CSMD3: variants seen among roughly 807,000 people sequenced by gnomAD.
CSMD3 encodes the protein CUB and Sushi multiple domains 3.
In CSMD3, 177 loss-of-function variants were observed where a neutral mutation model predicts 435.2. The observed-to-expected ratio is 0.41, with a 90% CI of 0.36 to 0.46. The LOEUF is 0.46. CSMD3 is among the 20% of genes least tolerant of loss of function. CSMD3 has a pLI of 0.34. For synonymous variants in CSMD3, 1,656 were observed against 1,520.5 expected, an observed-to-expected ratio of 1.09 and a Z score of -2.07; for missense variants, 4,265 against 4,504.6, an observed-to-expected ratio of 0.95 and a Z score of 1.52.
At chr8:112,443,810 A>G (rs1815302130) in intron 32 of CSMD3, among the ~76,000 whole-genome samples, 1 of 152,076 alleles carries the variant, frequency 6.6e-6, no homozygotes, top group South Asian at 2.1e-4. Context: ...AATAATAGTT[A>G]CAATGCTATT....
chr8:112,480,129 C>T (rs1471725207), intron 31 of CSMD3, among the ~76,000 whole-genome samples: 2 of 152,198 alleles, frequency 1.3e-5, no homozygotes, highest in African/African-American at 4.8e-5. Context: ...TATTTTGGAA[C>T]TTTAAGATTT....
chr8:113,332,336 C>T (rs937715037), intron 1 of CSMD3, among the ~76,000 whole-genome samples: 1 of 145,474 alleles, frequency 6.9e-6, no homozygotes, highest in African/African-American at 2.5e-5. Context: ...ATCTTCAAAG[C>T]ACAATAAAGC....
At chr8:112,749,219 T>G (rs1321120215) in intron 13 of CSMD3, among the ~76,000 whole-genome samples, 2 of 152,192 alleles carry the variant, frequency 1.3e-5, no homozygotes, top group African/African-American at 4.8e-5. Flanking sequence ...TTGTTTAAGT[T>G]GCTTATAGAT....
intron 4 of CSMD3, among the ~76,000 whole-genome samples, chr8:113,101,928 C>A (rs1471649725): frequency 6.6e-6 from 1 of 151,896 alleles, no homozygotes; most frequent in Non-Finnish European, 1.5e-5. Flanking sequence ...TTAAAAAAAA[C>A]AACAACATAT....
intron 22 of CSMD3, among the ~76,000 whole-genome samples, chr8:112,623,078 T>C (rs758584852): frequency 1.3e-5 from 2 of 152,006 alleles, no homozygotes; most frequent in African/African-American, 4.8e-5. Context: ...CAGAACAACA[T>C]AGAAAAATGC....
Position 112,921,651 on chromosome 8 carries a change from TC to T in CSMD3, c.1608del (p.Trp536Ter). 6.2e-7 allele frequency: 1 copy of T among 1,612,838 alleles called. No individual in the cohort carries two copies. Among genetic ancestry groups the T allele is most frequent in the South Asian group, 1.1e-5 (1 of 91,052 alleles). ...CQRIAEVFAAWSDHRPVCKVK... is the reference protein window; with the variant it reads ...CQRIAEVFAAXSDHRPVCKVK... ...CCTTTACACACAGGCCTGTGATCACTCCAAGCAGCAAAAACTTCAGCTATCC... is the reference window on the plus strand; with the variant it reads ...CCTTTACACACAGGCCTGTGATCACTCAAGCAGCAAAAACTTCAGCTATCC... On this transcript the variant is annotated frameshift_variant, in exon 10 of 71. Transcript: ENST00000297405. LOFTEE classifies it high-confidence loss of function.
rs143020371 is a variant in CSMD3, at chr8:113,024,942, CATT to C, written c.918-5766_918-5764del. On this transcript the variant is annotated intron_variant, in intron 5 of 70. Transcript: ENST00000297405. ...TCCACGCTCTACCTCCATGTGTAAA[CATT>C]ATTTAGCTCCCATTTATAAGTGAGA... Among the ~76,000 whole-genome samples, 196 of 152,308 alleles carry C rather than the reference CATT, an allele frequency of 1.3e-3. 3 individuals carry two copies. The highest frequency in any genetic ancestry group is 4.6e-3 in the African/African-American group (190 of 41,564).
At chr8:113,255,902 C>T (rs1372440235) in intron 3 of CSMD3, among the ~76,000 whole-genome samples, 2 of 151,866 alleles carry the variant, frequency 1.3e-5, no homozygotes, top group African/African-American at 2.4e-5. Context: ...TATTATTTTA[C>T]AGTGTCAATA....
At chr8:112,894,740 A>G (rs2081900491) in intron 10 of CSMD3, among the ~76,000 whole-genome samples, 1 of 151,402 alleles carries the variant, frequency 6.6e-6, no homozygotes, top group Non-Finnish European at 1.5e-5. Flanking sequence ...CCATACAGGT[A>G]TGTCTATTCA....
At chr8:112,415,534 A>G (rs527541259) in intron 32 of CSMD3, among the ~76,000 whole-genome samples, 3 of 152,310 alleles carry the variant, frequency 2.0e-5, no homozygotes, top group South Asian at 2.1e-4. Context: ...TCCCACACAG[A>G]GTACCCACTG....
At chr8:113,281,322 G>A (rs1276255215) in intron 2 of CSMD3, among the ~76,000 whole-genome samples, 1 of 151,688 alleles carries the variant, frequency 6.6e-6, no homozygotes, top group Non-Finnish European at 1.5e-5. Flanking sequence ...AAGTCTATTG[G>A]TATCTGTTTT....
At chr8:113,132,351 C>G (rs1357337830) in intron 4 of CSMD3, among the ~76,000 whole-genome samples, 1 of 152,038 alleles carries the variant, frequency 6.6e-6, no homozygotes, top group Non-Finnish European at 1.5e-5. Flanking sequence ...ATTTGTGTCC[C>G]TGCCCAAGTC....
chr8:113,151,767 A>T (rs1267085690), intron 4 of CSMD3, among the ~76,000 whole-genome samples: 1 of 151,988 alleles, frequency 6.6e-6, no homozygotes, highest in African/African-American at 2.4e-5. Context: ...TTAAAATTGC[A>T]GTTTATTTCT....
chr8:113,276,166 C>A (rs2093568328), intron 3 of CSMD3, among the ~76,000 whole-genome samples: 1 of 152,030 alleles, frequency 6.6e-6, no homozygotes, highest in Admixed American at 6.6e-5. Flanking sequence ...TCTACCTCCC[C>A]AAAAATGTAT....
intron 59 of CSMD3, among the ~76,000 whole-genome samples, chr8:112,279,033 ACAAC>A (rs1385922621): frequency 1.3e-5 from 2 of 151,974 alleles, no homozygotes; most frequent in African/African-American, 4.8e-5. Flanking sequence ...AACAACAACA[ACAAC>A]AACAACAACA....
At chr8:112,884,193 T>A (rs1011401717) in intron 10 of CSMD3, among the ~76,000 whole-genome samples, 1 of 151,886 alleles carries the variant, frequency 6.6e-6, no homozygotes, top group African/African-American at 2.4e-5. Context: ...TTACTCTATC[T>A]TTTCAAACAA....
chr8:113,313,641 A>T (rs2093887405), intron 2 of CSMD3: 1 of 152,240 alleles, frequency 6.6e-6, no homozygotes, highest in Admixed American at 6.5e-5. Context: ...GGAAGGCAAG[A>T]ACATGTTATC....
At chr8:113,341,413 A>C (rs2132846633) in intron 1 of CSMD3, among the ~76,000 whole-genome samples, 1 of 152,294 alleles carries the variant, frequency 6.6e-6, no homozygotes, top group South Asian at 2.1e-4. Flanking sequence ...TCATTCAGGC[A>C]AAACCAATTG....
intron 3 of CSMD3, among the ~76,000 whole-genome samples, chr8:113,230,024 C>T (rs758644431): frequency 6.6e-6 from 1 of 151,570 alleles, no homozygotes; most frequent in Non-Finnish European, 1.5e-5. Flanking sequence ...AAAGAAAAAT[C>T]ATCAAGAGAT....
Sources: gnomAD v4.1 joint callset for allele counts (sites outside exome capture counted in the v4.1 genomes callset) on GRCh38, gnomAD v4.1.1 for gene constraint, MANE v1.5 for transcripts, NCBI Gene and HGNC (gene_info 2026-07-23, HGNC 2026-07-21) for gene names.